The following MIER1 variants were observed in gnomAD, a reference collection of about 807,000 sequenced individuals.
The protein encoded by MIER1 is MIER1 transcriptional regulator.
In MIER1, 40 loss-of-function variants were observed where a neutral mutation model predicts 75.7. That is an observed-to-expected ratio of 0.53 (90% CI 0.41 to 0.69). The LOEUF (loss-of-function observed/expected upper bound fraction) is 0.69. Among genes scored for constraint, MIER1 ranks in the 30% least tolerant of loss-of-function variants. The pLI is 0.00. For missense variants in MIER1, 574 were observed against 680.2 expected (o/e 0.84, Z 1.74); for synonymous variants, 213 against 223.4 (o/e 0.95, Z 0.42).
At position 66,980,684 on chromosome 1, in the gene MIER1, T is replaced by A. The variant is rs146462589; in HGVS notation, c.1230-1095T>A. 3.5e-3 allele frequency among the ~76,000 whole-genome samples: 538 copies of A among 152,264 alleles called. 3 individuals carry two copies. The highest frequency in any genetic ancestry group is 0.012 in the African/African-American group (514 of 41,540). On this transcript the variant is annotated intron_variant, in intron 12 of 13. Coordinates refer to ENST00000401041, the MANE Select transcript of MIER1 (RefSeq NM_001077700.3). ...GGAATTTTAAGATAAATAACACAAT[T>A]AGAATTTTATTGAGTTTCTTTCTGT...
At chr1:66,942,976 CAA>C (rs751650773) in intron 3 of MIER1, among the ~76,000 whole-genome samples, 23 of 152,160 alleles carry the variant, frequency 1.5e-4, no homozygotes, top group Middle Eastern at 3.4e-3. Flanking sequence ...ACAAGTATAA[CAA>C]AGAATTAAGC....
At chr1:66,927,015 G>A (rs948991627) in intron 2 of MIER1, among the ~76,000 whole-genome samples, 1 of 152,112 alleles carries the variant, frequency 6.6e-6, no homozygotes, top group Middle Eastern at 3.2e-3. Flanking sequence ...AAAGAAGTTT[G>A]TTCATTGGTT....
At chr1:66,963,921 A>G (rs1312921136) in intron 8 of MIER1, among the ~76,000 whole-genome samples, 1 of 152,116 alleles carries the variant, frequency 6.6e-6, no homozygotes, top group African/African-American at 2.4e-5. Context: ...AAAAAAATAA[A>G]GAAAATGGAT....
intron 4 of MIER1, among the ~76,000 whole-genome samples, chr1:66,955,155 C>T (rs1252417872): frequency 6.6e-6 from 1 of 152,024 alleles, no homozygotes; most frequent in South Asian, 2.1e-4. Flanking sequence ...AGTATGTCAC[C>T]TATCCTTTTG....
chr1:66,981,367 C>G (rs77347645), intron 12 of MIER1, among the ~76,000 whole-genome samples: 4,356 of 152,256 alleles, frequency 0.029, 78 homozygotes, highest in Non-Finnish European at 0.042. Context: ...TTTTGTTAGG[C>G]TCAAATTTGT....
chr1:66,946,514 T>C (rs1478859560), intron 4 of MIER1: 25 of 1,240,724 alleles, frequency 2.0e-5, no homozygotes, highest in Non-Finnish European at 2.4e-5. Context: ...ATAGTTACTT[T>C]GGTAAAACAT....
chr1:66,965,750 G>T (rs1662251612), intron 8 of MIER1, among the ~76,000 whole-genome samples: 1 of 151,996 alleles, frequency 6.6e-6, no homozygotes, highest in African/African-American at 2.4e-5. Flanking sequence ...AACTATTAGG[G>T]GTTACTCATT....
chr1:66,980,556 C>A (rs1476778872), intron 12 of MIER1, among the ~76,000 whole-genome samples: 1 of 152,200 alleles, frequency 6.6e-6, no homozygotes, highest in Non-Finnish European at 1.5e-5. Context: ...TTAACACAGA[C>A]TTTCAGAAAA....
At chr1:66,959,942 G>T in intron 7 of MIER1, 199 bp downstream of exon 7, 1 of 289,422 alleles carries the variant, frequency 3.5e-6, no homozygotes, top group Non-Finnish European at 6.5e-6. Flanking sequence ...ATTTCTGGCG[G>T]GGTGTGGTGG....
chr1:66,985,813 AAT>A lies in MIER1; in HGVS notation c.*914_*915del, dbSNP rs1491551290. 3.0e-4 allele frequency: 222 copies of A among 738,740 alleles called. No homozygotes were observed. The African/African-American group carries it at 4.1e-3, about 14-fold the overall frequency. 45.8% of individuals were successfully genotyped at this position (738,740 alleles called of 1,614,324 possible). A position where few individuals can be genotyped will look rare whatever the true frequency, so the allele number is the denominator to read the frequency against. Reference sequence around the variant, plus strand: ...TTAAAGCATTCATAAAGGATTATAAAATTTTTTTTTTTTTTTTTTTTTTTAAA... The same window carrying A: ...TTAAAGCATTCATAAAGGATTATAAATTTTTTTTTTTTTTTTTTTTTTAAA... On this transcript the variant is annotated 3_prime_UTR_variant, in exon 14 of 14. Transcript: ENST00000401041.
At chr1:66,934,575 T>TC (rs1654297318) in intron 2 of MIER1, among the ~76,000 whole-genome samples, 1 of 150,014 alleles carries the variant, frequency 6.7e-6, no homozygotes, top group Admixed American at 6.6e-5. Context: ...TGCCCGGCTT[T>TC]TTTTTTTTTT....
intron 13 of MIER1, 37 bp downstream of exon 13, chr1:66,981,955 T>G (rs1176729410): frequency 6.2e-7 from 1 of 1,607,454 alleles, no homozygotes; most frequent in South Asian, 1.1e-5. Context: ...TTCTTCATAA[T>G]AAGGGACACT....
At chr1:66,944,294 T>G (rs1656951923) in intron 3 of MIER1, among the ~76,000 whole-genome samples, 1 of 150,692 alleles carries the variant, frequency 6.6e-6, no homozygotes, top group African/African-American at 2.5e-5. Flanking sequence ...CCATCAACAG[T>G]TAAAACTTTA....
intron 11 of MIER1, 142 bp downstream of exon 11, chr1:66,973,133 T>G (rs958511174): frequency 1.7e-5 from 10 of 580,506 alleles, no homozygotes; most frequent in Non-Finnish European, 3.0e-5. Flanking sequence ...TGAGTAATTA[T>G]AGTAAGGCTG....
Position 66,925,052 on chromosome 1 carries a change from T to TGGCGGCAGCAGCGAAGGTGGC in MIER1, c.38_58dup (p.Glu13_Ser19dup), listed in dbSNP as rs766348846. 35 of 1,548,984 alleles carry TGGCGGCAGCAGCGAAGGTGGC rather than the reference T, an allele frequency of 2.3e-5. No individual in the cohort carries two copies. Among genetic ancestry groups the TGGCGGCAGCAGCGAAGGTGGC allele is most frequent in the Middle Eastern group, 1.7e-4 (1 of 5,984 alleles). On this transcript the variant is annotated inframe_insertion, in exon 1 of 14. Transcript: ENST00000401041. The stretch of plus-strand genomic sequence containing the variant: ...GGATGGATGGGGCTTCTTCAGGCGG[T>TGGCGGCAGCAGCGAAGGTGGC]GGCGGCAGCAGCGAAGGTGGCGGCG...
chr1:66,954,487 G>T (rs991259270), intron 4 of MIER1, among the ~76,000 whole-genome samples: 66 of 152,236 alleles, frequency 4.3e-4, no homozygotes, highest in African/African-American at 1.5e-3. Flanking sequence ...TAATCAGGGT[G>T]ACTGGCTTAT....
At chr1:66,980,210 T>G (rs1297406062) in intron 12 of MIER1, among the ~76,000 whole-genome samples, 2 of 152,214 alleles carry the variant, frequency 1.3e-5, no homozygotes, top group Non-Finnish European at 2.9e-5. Context: ...TGCTTCAAAT[T>G]TGTTATGTAA....
chr1:66,925,600 T>C (rs1181489515), intron 1 of MIER1: 1 of 952,912 alleles, frequency 1.0e-6, no homozygotes, highest in East Asian at 1.2e-4. Flanking sequence ...GAGACTCGAA[T>C]AGGGTATTAC....
chr1:66,971,219 T>C (rs1378090081), intron 9 of MIER1, among the ~76,000 whole-genome samples: 1 of 152,128 alleles, frequency 6.6e-6, no homozygotes, highest in East Asian at 1.9e-4. Context: ...TGGCTATCCC[T>C]AAGAATCTGT....
Sources: gnomAD v4.1 joint callset for allele counts (sites outside exome capture counted in the v4.1 genomes callset) on GRCh38, gnomAD v4.1.1 for gene constraint, MANE v1.5 for transcripts, NCBI Gene and HGNC (gene_info 2026-07-23, HGNC 2026-07-21) for gene names.